EPHA6: variants seen among roughly 807,000 people sequenced by gnomAD.
The protein encoded by EPHA6 is EPH receptor A6, also known as ephrin type-A receptor 6.
Under a neutral mutation model 112.0 loss-of-function variants are expected in EPHA6, and 50 were observed. The observed-to-expected ratio is 0.45, with a 90% CI of 0.36 to 0.56. EPHA6 has a LOEUF of 0.56. EPHA6 is among the 20% of genes least tolerant of loss of function. The pLI is 0.00. For missense variants in EPHA6, 1,280 were observed against 1,417.4 expected, an observed-to-expected ratio of 0.90 and a Z score of 1.56; for synonymous variants, 529 against 490.7, an observed-to-expected ratio of 1.08 and a Z score of -1.03.
chr3:97,114,137 C>T (rs1240414790), intron 3 of EPHA6, among the ~76,000 whole-genome samples: 1 of 152,028 alleles, frequency 6.6e-6, no homozygotes, highest in East Asian at 1.9e-4. Context: ...ACAGAGGAGC[C>T]CCTTGGTGAA....
intron 3 of EPHA6, among the ~76,000 whole-genome samples, chr3:97,201,709 A>C (rs777084055): frequency 6.6e-6 from 1 of 152,110 alleles, no homozygotes; most frequent in Non-Finnish European, 1.5e-5. Flanking sequence ...TGTATCTTCC[A>C]TCATACTGCA....
intron 1 of EPHA6, among the ~76,000 whole-genome samples, chr3:96,826,001 A>G (rs931942014): frequency 6.6e-6 from 1 of 151,876 alleles, no homozygotes; most frequent in African/African-American, 2.4e-5. Flanking sequence ...GAATACATCT[A>G]GGTTTTTTTG....
At chr3:97,000,796 G>GTT (rs145311699) in intron 3 of EPHA6, among the ~76,000 whole-genome samples, 3,560 of 150,242 alleles carry the variant, frequency 0.024, 139 homozygotes, top group African/African-American at 0.083. Context: ...AGTAAGCTAA[G>GTT]TTATATATAT....
chr3:97,105,319 T>C (rs1191291798), intron 3 of EPHA6, among the ~76,000 whole-genome samples: 3 of 152,144 alleles, frequency 2.0e-5, no homozygotes, highest in Non-Finnish European at 4.4e-5. Flanking sequence ...AACACTGTCT[T>C]AGCTGTGTCA....
chr3:97,257,097 T>C (rs2079340695), intron 5 of EPHA6, among the ~76,000 whole-genome samples: 1 of 151,978 alleles, frequency 6.6e-6, no homozygotes, highest in African/African-American at 2.4e-5. Flanking sequence ...ATAAAATTTA[T>C]TCAGGGAAAA....
chr3:97,015,347 A>G (rs539464077), intron 3 of EPHA6, among the ~76,000 whole-genome samples: 131 of 152,320 alleles, frequency 8.6e-4, no homozygotes, highest in Non-Finnish European at 1.6e-3. Context: ...TATAAGCAGT[A>G]GTGGAACTTT....
intron 1 of EPHA6, among the ~76,000 whole-genome samples, chr3:96,839,794 A>T (rs1332736052): frequency 6.6e-6 from 1 of 151,974 alleles, no homozygotes; most frequent in Admixed American, 6.6e-5. Context: ...CAGGTTGTTG[A>T]TGTTGTAGAT....
intron 3 of EPHA6, among the ~76,000 whole-genome samples, chr3:97,158,855 C>A (rs2076348643): frequency 6.6e-6 from 1 of 152,058 alleles, no homozygotes; most frequent in Non-Finnish European, 1.5e-5. Context: ...TTTGCATTGC[C>A]ATGGTGAAAT....
chr3:97,394,607 G>A (rs2086598740), intron 5 of EPHA6, among the ~76,000 whole-genome samples: 3 of 151,762 alleles, frequency 2.0e-5, no homozygotes, highest in Middle Eastern at 3.4e-3. Flanking sequence ...GTTGTTAAAT[G>A]GGCAAAATAT....
intron 7 of EPHA6, among the ~76,000 whole-genome samples, chr3:97,471,503 C>T (rs1662109030): frequency 6.6e-6 from 1 of 151,628 alleles, no homozygotes; most frequent in South Asian, 2.1e-4. Flanking sequence ...AATTCTTAAC[C>T]TTAGACTCAT....
intron 3 of EPHA6, among the ~76,000 whole-genome samples, chr3:97,043,547 A>G (rs1327612278): frequency 6.6e-6 from 1 of 152,156 alleles, no homozygotes; most frequent in East Asian, 1.9e-4. Context: ...ACCAAACTGC[A>G]GAAGCAGCAG....
intron 2 of EPHA6, among the ~76,000 whole-genome samples, chr3:96,941,329 C>T (rs1470008545): frequency 6.6e-6 from 1 of 152,146 alleles, no homozygotes; most frequent in Admixed American, 6.6e-5. Context: ...AACTTCCCTT[C>T]TCGCTTCATT....
intron 3 of EPHA6, among the ~76,000 whole-genome samples, chr3:97,145,690 TTTTTA>T (rs2076026779): frequency 6.6e-6 from 1 of 151,722 alleles, no homozygotes; most frequent in Non-Finnish European, 1.5e-5. Flanking sequence ...CTGCATAGGT[TTTTTA>T]TTTTGTGTCA....
intron 10 of EPHA6, among the ~76,000 whole-genome samples, chr3:97,490,222 C>A (rs1277937815): frequency 6.6e-6 from 1 of 151,586 alleles, no homozygotes. Flanking sequence ...TGAAGTATGA[C>A]AATATAAAAT....
intron 10 of EPHA6, among the ~76,000 whole-genome samples, chr3:97,524,807 G>A (rs562039355): frequency 5.1e-4 from 77 of 152,028 alleles, no homozygotes; most frequent in Non-Finnish European, 9.6e-4. Context: ...CTCCCTCCTG[G>A]CTTGCAAGGT....
At position 97,198,091 on chromosome 3, in the gene EPHA6, T is replaced by C. The variant is rs537030620; in HGVS notation, c.1115-28173T>C. On this transcript the variant is annotated intron_variant, in intron 3 of 17. Transcript: ENST00000389672. The stretch of plus-strand genomic sequence containing the variant: ...GAACTCAAGACTATCTTTTCTACAC[T>C]GTTCATGCCTCTTTCCTTATGATGT... Among the ~76,000 whole-genome samples, 3 of 152,220 alleles carry C rather than the reference T, an allele frequency of 2.0e-5. No homozygotes were observed. In the East Asian group the frequency reaches 5.8e-4, roughly 30 times the overall value.
chr3:97,655,185 T>C (rs2094130830), intron 14 of EPHA6, among the ~76,000 whole-genome samples: 1 of 150,744 alleles, frequency 6.6e-6, no homozygotes, highest in Admixed American at 6.6e-5. Context: ...TTTGTTTCTC[T>C]AGATGAGGAA....
chr3:97,153,086 C>T (rs767916978), intron 3 of EPHA6, among the ~76,000 whole-genome samples: 2 of 151,928 alleles, frequency 1.3e-5, no homozygotes, highest in African/African-American at 4.8e-5. Context: ...CTCCAGCATA[C>T]AAAAAGAAAG....
chr3:97,239,909 T>A (rs2078792400), intron 4 of EPHA6, among the ~76,000 whole-genome samples: 1 of 151,940 alleles, frequency 6.6e-6, no homozygotes, highest in Non-Finnish European at 1.5e-5. Flanking sequence ...AGGCTGAATA[T>A]GATGTAATAG....
Sources: allele counts gnomAD v4.1 joint callset (sites outside exome capture counted in the v4.1 genomes callset), GRCh38; gene constraint gnomAD v4.1.1; transcripts MANE v1.5; gene names NCBI Gene and HGNC (gene_info 2026-07-23, HGNC 2026-07-21).